Variants in WDR19 observed in about 807,000 individuals in gnomAD.
The protein encoded by WDR19 is WD repeat domain 19.
A neutral mutation model predicts 180.0 loss-of-function variants in WDR19; 121 were observed. The ratio of observed to expected loss-of-function variants is 0.67; its 90% confidence interval spans 0.58 to 0.78. The LOEUF (loss-of-function observed/expected upper bound fraction) is 0.78, where lower values mean the gene tolerates loss of function less well. Ranked by LOEUF, WDR19 falls within the 30% of genes least tolerant of loss-of-function variation. The pLI, the probability that WDR19 is intolerant of heterozygous loss-of-function variation, is 0.00. For missense variants in WDR19, 1,450 were observed against 1,640.7 expected (o/e 0.88, Z 2.01); for synonymous variants, 497 against 540.7 (o/e 0.92, Z 1.12).
intron 9 of WDR19, among the ~76,000 whole-genome samples, chr4:39,209,007 T>A (rs1476980777): frequency 6.6e-6 from 1 of 152,154 alleles, no homozygotes; most frequent in Admixed American, 6.5e-5. Context: ...AGGTCAGCAC[T>A]ATAAACCAAC....
chr4:39,272,832 G>A (rs560452721), intron 31 of WDR19, 148 bp from the exon 32 acceptor site: 1 of 621,170 alleles, frequency 1.6e-6, no homozygotes, highest in Non-Finnish European at 2.7e-6. Flanking sequence ...AAAGTGGAGG[G>A]ATCTCTAATG....
At chr4:39,198,958 A>G (rs1413650837) in intron 5 of WDR19, among the ~76,000 whole-genome samples, 1 of 151,170 alleles carries the variant, frequency 6.6e-6, no homozygotes, top group African/African-American at 2.4e-5. Context: ...AGATCACGCC[A>G]CTGTACTCCA....
At chr4:39,242,461 G>A (rs1465263584) in intron 21 of WDR19, among the ~76,000 whole-genome samples, 2 of 151,882 alleles carry the variant, frequency 1.3e-5, no homozygotes, top group African/African-American at 4.8e-5. Flanking sequence ...TCCATTATTT[G>A]GATGTACTAT....
chr4:39,280,320 G>T (rs998408086), intron 36 of WDR19, among the ~76,000 whole-genome samples: 1 of 151,828 alleles, frequency 6.6e-6, no homozygotes, highest in Non-Finnish European at 1.5e-5. Context: ...TTATCTGTTT[G>T]ATTTTCACCC....
At chr4:39,186,478 CAAAAAAAAAAA>C (rs71192831) in intron 2 of WDR19, 50 bp from the exon 3 acceptor site, 10 of 362,090 alleles carry the variant, frequency 2.8e-5, no homozygotes, top group Middle Eastern at 1.0e-3. Context: ...GACTCTGTCT[CAAAAAAAAAAA>C]AAAAAAAAAA....
At chr4:39,245,568 T>G (rs1354202575) in intron 24 of WDR19, 116 bp downstream of exon 24, 80 of 1,017,128 alleles carry the variant, frequency 7.9e-5, no homozygotes, top group Non-Finnish European at 1.1e-4. Flanking sequence ...GAAAACACCT[T>G]TAATTACCCC....
chr4:39,245,546 C>G (rs1389402239), intron 24 of WDR19, 94 bp downstream of exon 24: 1 of 1,277,982 alleles, frequency 7.8e-7, no homozygotes, highest in African/African-American at 1.5e-5. Context: ...AAAGGCAAAC[C>G]AGAGAAAGAC....
At chr4:39,213,257 A>G (rs1231510300) in intron 9 of WDR19, among the ~76,000 whole-genome samples, 4 of 152,238 alleles carry the variant, frequency 2.6e-5, no homozygotes, top group Non-Finnish European at 5.9e-5. Context: ...AGAAATGAAC[A>G]CCTACATTCA....
chr4:39,204,256 T>A (rs1339113261), intron 7 of WDR19, among the ~76,000 whole-genome samples: 1 of 152,172 alleles, frequency 6.6e-6, no homozygotes, highest in East Asian at 1.9e-4. Context: ...CAGCTAATTT[T>A]GTATTTTTAG....
At chr4:39,215,192 T>G (rs552586124) in intron 10 of WDR19, among the ~76,000 whole-genome samples, 1 of 152,372 alleles carries the variant, frequency 6.6e-6, no homozygotes, top group Non-Finnish European at 1.5e-5. Context: ...AGATTTATAG[T>G]GAATTTTATC....
chr4:39,202,426 T>G (rs1391299819), intron 6 of WDR19, among the ~76,000 whole-genome samples: 1 of 152,114 alleles, frequency 6.6e-6, no homozygotes, highest in Non-Finnish European at 1.5e-5. Flanking sequence ...TGAAAAAAAT[T>G]TCAAAGTTAC....
chr4:39,210,238 G>C (rs1043972904), intron 9 of WDR19, among the ~76,000 whole-genome samples: 10 of 152,104 alleles, frequency 6.6e-5, no homozygotes, highest in Non-Finnish European at 1.2e-4. Flanking sequence ...AAAAGTACAG[G>C]TCAATATCTC....
intron 36 of WDR19, among the ~76,000 whole-genome samples, chr4:39,282,723 T>A (rs986210261): frequency 6.6e-6 from 1 of 152,156 alleles, no homozygotes; most frequent in Non-Finnish European, 1.5e-5. Flanking sequence ...AATAAAGAAG[T>A]CTTTCGTGTC....
chr4:39,273,090 C>T (rs967731682), intron 32 of WDR19, 29 bp downstream of exon 32: 2 of 1,489,526 alleles, frequency 1.3e-6, no homozygotes, highest in African/African-American at 1.4e-5. Flanking sequence ...AGCTCTCACC[C>T]ATGCCCCATG....
chr4:39,265,516 G>A (rs1734699511), intron 28 of WDR19, among the ~76,000 whole-genome samples: 1 of 151,950 alleles, frequency 6.6e-6, no homozygotes, highest in Non-Finnish European at 1.5e-5. Context: ...GCTCATGCCT[G>A]TAATCTCAGC....
At chr4:39,266,017 G>T (rs775405708) in intron 28 of WDR19, 46 bp from the exon 29 acceptor site, 1 of 1,489,390 alleles carries the variant, frequency 6.7e-7, no homozygotes, top group South Asian at 1.2e-5. Flanking sequence ...ACTCTTGCTC[G>T]GTTTAAGATG....
At chr4:39,270,228 A>T in intron 31 of WDR19, 128 bp downstream of exon 31, 1 of 1,291,214 alleles carries the variant, frequency 7.7e-7, no homozygotes, top group Non-Finnish European at 1.1e-6. Flanking sequence ...GTAACAAAAC[A>T]AGATACAGAA....
intron 1 of WDR19, among the ~76,000 whole-genome samples, chr4:39,184,950 T>A (rs994423295): frequency 2.2e-4 from 34 of 152,210 alleles, no homozygotes; most frequent in Non-Finnish European, 5.0e-4. Flanking sequence ...AAATTTATTT[T>A]AATAATATAT....
chr4:39,258,322 T>G (rs1439531682), intron 28 of WDR19, among the ~76,000 whole-genome samples: 1 of 152,058 alleles, frequency 6.6e-6, no homozygotes, highest in Non-Finnish European at 1.5e-5. Context: ...CCAGCTAATT[T>G]TTGTATTTTT....
Sources: allele counts gnomAD v4.1 joint callset (sites outside exome capture counted in the v4.1 genomes callset), GRCh38; gene constraint gnomAD v4.1.1; transcripts MANE v1.5; gene names NCBI Gene and HGNC (gene_info 2026-07-23, HGNC 2026-07-21).